The following NRXN3 variants were observed in gnomAD, a reference collection of about 807,000 sequenced individuals.
The protein encoded by NRXN3 is neurexin III.
A neutral mutation model predicts 137.6 loss-of-function variants in NRXN3; 32 were observed. The observed-to-expected ratio is 0.23, with a 90% CI of 0.18 to 0.31. The LOEUF is 0.31. NRXN3 is among the 10% of genes least tolerant of loss of function. The pLI is 1.00. For missense variants in NRXN3, 1,574 were observed against 2,062.5 expected, an observed-to-expected ratio of 0.76 and a Z score of 4.59; for synonymous variants, 798 against 784.5, an observed-to-expected ratio of 1.02 and a Z score of -0.29.
intron 4 of NRXN3, among the ~76,000 whole-genome samples, chr14:78,337,641 G>A (rs1403354823): frequency 4.6e-5 from 7 of 152,136 alleles, no homozygotes; most frequent in Non-Finnish European, 1.0e-4. Flanking sequence ...GTCTCACCCT[G>A]TGTGTTAGGC....
intron 1 of NRXN3, among the ~76,000 whole-genome samples, chr14:78,217,851 G>C (rs1005286200): frequency 6.6e-6 from 1 of 152,084 alleles, no homozygotes; most frequent in Non-Finnish European, 1.5e-5. Context: ...AGTGGAGACA[G>C]GGTTTCACCA....
intron 6 of NRXN3, among the ~76,000 whole-genome samples, chr14:78,701,520 G>A (rs911606861): frequency 6.6e-6 from 1 of 152,106 alleles, no homozygotes; most frequent in Non-Finnish European, 1.5e-5. Context: ...TATGGTCTAA[G>A]GATTTTGCTA....
At chr14:78,520,827 C>A (rs540516088) in intron 4 of NRXN3, among the ~76,000 whole-genome samples, 2 of 152,078 alleles carry the variant, frequency 1.3e-5, no homozygotes, top group Non-Finnish European at 2.9e-5. Context: ...CAGAACACTG[C>A]GAATTAGCAC....
chr14:79,663,842 G>T lies in NRXN3; in HGVS notation c.3509G>T (p.Arg1170Ile), dbSNP rs2098545831. 1 of 1,613,294 alleles carries T rather than the reference G, an allele frequency of 6.2e-7. No homozygotes were observed. Among genetic ancestry groups the T allele is most frequent in the South Asian group, 1.1e-5 (1 of 91,078 alleles). Residue 1170 changes from arginine to isoleucine, a missense_variant, in exon 17 of 21, where the codon AGA (arginine) becomes ATA (isoleucine). By Grantham distance (97) the Arg-to-Ile change is moderately conservative. Transcript: ENST00000335750. Reference protein sequence around the residue: ...GTVDISIKEERTPVNDGKYHV... With the variant: ...GTVDISIKEEITPVNDGKYHV... ...GTTGACATCTCCATCAAAGAGGAGA[G>T]AACCCCTGTAAATGACGGCAAATAC...
At chr14:79,522,517 G>A (rs922941219) in intron 16 of NRXN3, among the ~76,000 whole-genome samples, 1 of 152,104 alleles carries the variant, frequency 6.6e-6, no homozygotes, top group South Asian at 2.1e-4. Context: ...AATGTAGCAG[G>A]AGATAGCAAG....
At chr14:79,510,619 G>A (rs1039106659) in intron 16 of NRXN3, among the ~76,000 whole-genome samples, 7 of 152,088 alleles carry the variant, frequency 4.6e-5, no homozygotes, top group East Asian at 1.9e-4. Context: ...TGGGGCTGGC[G>A]TTAACTATCT....
At position 78,927,084 on chromosome 14, in the gene NRXN3, G is replaced by A. The variant is rs543155580; in HGVS notation, c.2276-30158G>A. On this transcript the variant is annotated intron_variant, in intron 10 of 20. Coordinates refer to ENST00000335750, the MANE Select transcript of NRXN3 (RefSeq NM_001330195.2). ...GTGGGAGGATCTCTTGAGCCCAGGAGGTTGAGGCTTCAGTGAGTCGTGATT... is the reference window on the plus strand; with the variant it reads ...GTGGGAGGATCTCTTGAGCCCAGGAAGTTGAGGCTTCAGTGAGTCGTGATT... Among the ~76,000 whole-genome samples, 11 of 128,252 alleles carry A rather than the reference G, an allele frequency of 8.6e-5. No homozygotes were observed. The South Asian group carries it at 2.1e-3, about 24-fold the overall frequency. The allele number at this position is 128,252 out of a possible 152,430, so 84.1% of individuals were successfully genotyped here.
At chr14:78,792,692 G>A (rs1235625127) in intron 8 of NRXN3, among the ~76,000 whole-genome samples, 3 of 152,126 alleles carry the variant, frequency 2.0e-5, no homozygotes, top group Non-Finnish European at 4.4e-5. Flanking sequence ...AGGCATATAA[G>A]CAAAATTTAC....
chr14:79,623,856 T>G (rs1298054259), intron 16 of NRXN3, among the ~76,000 whole-genome samples: 8 of 151,250 alleles, frequency 5.3e-5, no homozygotes, highest in Non-Finnish European at 1.0e-4. Flanking sequence ...CCTGTTTTTT[T>G]TTTTTTTTTT....
chr14:79,538,199 G>T (rs998274217), intron 16 of NRXN3, among the ~76,000 whole-genome samples: 1 of 152,060 alleles, frequency 6.6e-6, no homozygotes, highest in Non-Finnish European at 1.5e-5. Context: ...TTAGCCCTTT[G>T]TCAGATGAGT....
intron 17 of NRXN3, among the ~76,000 whole-genome samples, chr14:79,682,951 A>G (rs1555627531): frequency 6.6e-6 from 1 of 152,172 alleles, no homozygotes; most frequent in Non-Finnish European, 1.5e-5. Context: ...AATTTCCTTC[A>G]GACTATGATG....
At chr14:78,603,744 C>G (rs1326142172) in intron 4 of NRXN3, among the ~76,000 whole-genome samples, 1 of 152,110 alleles carries the variant, frequency 6.6e-6, no homozygotes, top group Non-Finnish European at 1.5e-5. Context: ...TGCTGGGACC[C>G]CTTTGACTTT....
chr14:78,321,267 A>G (rs1271705350), intron 4 of NRXN3, among the ~76,000 whole-genome samples: 1 of 151,960 alleles, frequency 6.6e-6, no homozygotes, highest in African/African-American at 2.4e-5. Context: ...CATCTGCCCC[A>G]AGGCAGCATA....
At chr14:79,783,954 C>T (rs1202289823) in intron 19 of NRXN3, among the ~76,000 whole-genome samples, 1 of 152,176 alleles carries the variant, frequency 6.6e-6, no homozygotes, top group Non-Finnish European at 1.5e-5. Context: ...TAAAACTTCA[C>T]ATGAAATTTG....
chr14:79,021,610 G>A (rs2099589771), intron 15 of NRXN3, among the ~76,000 whole-genome samples: 1 of 152,020 alleles, frequency 6.6e-6, no homozygotes, highest in South Asian at 2.1e-4. Context: ...GGAGAGGATG[G>A]GAGTGTGCAA....
chr14:79,068,472 G>T (rs994452309), intron 15 of NRXN3, among the ~76,000 whole-genome samples: 1 of 152,026 alleles, frequency 6.6e-6, no homozygotes, highest in African/African-American at 2.4e-5. Context: ...GACCATGCCT[G>T]CTATCTTATA....
chr14:79,206,809 G>A (rs2153223385), intron 15 of NRXN3, among the ~76,000 whole-genome samples: 1 of 152,030 alleles, frequency 6.6e-6, no homozygotes, highest in Admixed American at 6.5e-5. Flanking sequence ...CCAATATTAG[G>A]CATAATTAAT....
chr14:78,817,479 A>G (rs2098937340), intron 10 of NRXN3, among the ~76,000 whole-genome samples: 1 of 152,176 alleles, frequency 6.6e-6, no homozygotes, highest in Non-Finnish European at 1.5e-5. Flanking sequence ...GTCTTAGTCC[A>G]TTTGGTGTTG....
chr14:78,596,655 T>C (rs557464341), intron 4 of NRXN3, among the ~76,000 whole-genome samples: 18 of 152,260 alleles, frequency 1.2e-4, no homozygotes, highest in African/African-American at 4.1e-4. Flanking sequence ...GAGAGAACTG[T>C]AAGGGACCTC....
Sources: gnomAD v4.1 joint callset for allele counts (sites outside exome capture counted in the v4.1 genomes callset) on GRCh38, gnomAD v4.1.1 for gene constraint, MANE v1.5 for transcripts, NCBI Gene and HGNC (gene_info 2026-07-23, HGNC 2026-07-21) for gene names.